Variants in UBE2V1 observed in about 807,000 individuals in gnomAD.
UBE2V1 encodes the protein ubiquitin-conjugating enzyme E2 variant 1.
In UBE2V1, 15 loss-of-function variants were observed where a neutral mutation model predicts 19.6. The ratio of observed to expected loss-of-function variants is 0.77; its 90% confidence interval spans 0.51 to 1.18. The LOEUF (loss-of-function observed/expected upper bound fraction) is 1.18. UBE2V1 is among the 50% of genes most tolerant of loss of function. The pLI, the probability that UBE2V1 is intolerant of heterozygous loss-of-function variation, is 0.00. For missense variants in UBE2V1, 125 were observed against 184.8 expected, an observed-to-expected ratio of 0.68 and a Z score of 1.88; for synonymous variants, 60 against 60.7, an observed-to-expected ratio of 0.99 and a Z score of 0.05.
At chr20:50,112,789 C>T (rs1338692622) in intron 1 of UBE2V1, among the ~76,000 whole-genome samples, 1 of 152,224 alleles carries the variant, frequency 6.6e-6, no homozygotes, top group African/African-American at 2.4e-5. Flanking sequence ...GTCGCCAGCC[C>T]CGGTATCCTC....
At chr20:50,085,966 C>G (rs1280304759) in intron 2 of UBE2V1, among the ~76,000 whole-genome samples, 2 of 152,134 alleles carry the variant, frequency 1.3e-5, no homozygotes, top group African/African-American at 4.8e-5. Context: ...GACCCCATAT[C>G]CATCCACTTT....
upstream of UBE2V1, chr20:50,115,911 A>C (rs1453999356): frequency 1.5e-5 from 3 of 201,718 alleles, no homozygotes; most frequent in East Asian, 3.2e-4. Flanking sequence ...TAAAATTGAC[A>C]ATAATAATTC....
chr20:50,082,548 T>G lies in UBE2V1; in HGVS notation c.*220A>C, dbSNP rs2078686849. The G allele has an allele frequency of 1.2e-6, 1 of 809,836 alleles. No homozygotes were observed. The highest frequency in any genetic ancestry group is 1.7e-5 in the African/African-American group (1 of 57,368). 50.2% of individuals were successfully genotyped at this position (809,836 alleles called of 1,614,324 possible). On this transcript the variant is annotated 3_prime_UTR_variant, in exon 4 of 4. Transcript: ENST00000371674. Reference sequence around the variant, plus strand: ...TCAACTACGTGGACAGTGGTTACACTTGACAGGATGATTTGTTATAGCACA... The same window carrying G: ...TCAACTACGTGGACAGTGGTTACACGTGACAGGATGATTTGTTATAGCACA...
At chr20:50,112,670 C>T (rs2080838536) in intron 1 of UBE2V1, among the ~76,000 whole-genome samples, 1 of 152,234 alleles carries the variant, frequency 6.6e-6, no homozygotes, top group African/African-American at 2.4e-5. Context: ...TCTGATGTCC[C>T]CTCCAGACAT....
chr20:50,113,220 T>A (rs1464848726), upstream of UBE2V1: 29 of 1,003,898 alleles, frequency 2.9e-5, no homozygotes, highest in East Asian at 3.8e-5. Context: ...CGCACGCACA[T>A]ACGCCGCCGC....
chr20:50,112,213 C>T (rs2080802145), intron 1 of UBE2V1, among the ~76,000 whole-genome samples: 2 of 152,214 alleles, frequency 1.3e-5, no homozygotes, highest in Non-Finnish European at 1.5e-5. Context: ...CTTTTCCACT[C>T]CCTCATTTCA....
chr20:50,093,903 G>A (rs1241870563), intron 2 of UBE2V1, among the ~76,000 whole-genome samples: 1 of 144,826 alleles, frequency 6.9e-6, no homozygotes, highest in Non-Finnish European at 1.5e-5. Context: ...GCAGAGAATT[G>A]CTTGAATCCG....
chr20:50,107,014 A>C (rs536873456), intron 1 of UBE2V1, among the ~76,000 whole-genome samples: 37 of 152,302 alleles, frequency 2.4e-4, no homozygotes, highest in African/African-American at 8.2e-4. Flanking sequence ...CACTTCAGAA[A>C]ATGAGGAGGT....
At chr20:50,083,887 A>C in intron 3 of UBE2V1, 1 of 340,752 alleles carries the variant, frequency 2.9e-6, no homozygotes, top group Non-Finnish European at 5.1e-6. Flanking sequence ...GGCATGAGGA[A>C]AGAGCTCATA....
At chr20:50,115,484 C>T (rs2080983347), upstream of UBE2V1, 3 of 1,579,330 alleles carry the variant, frequency 1.9e-6, no homozygotes, top group Non-Finnish European at 2.6e-6. Flanking sequence ...GGTGGACTCA[C>T]CTTTGCAGTG....
chr20:50,082,669 G>A lies in UBE2V1; in HGVS notation c.*99C>T. 1.3e-6 allele frequency: 2 copies of A among 1,515,358 alleles called. No individual in the cohort carries two copies. The highest frequency in any genetic ancestry group is 2.5e-4 in the Middle Eastern group (1 of 4,058). The allele number at this position is 1,515,358 out of a possible 1,614,324, so 93.9% of individuals were successfully genotyped here. A position where few individuals can be genotyped will look rare whatever the true frequency, so the allele number is the denominator to read the frequency against. On this transcript the variant is annotated 3_prime_UTR_variant, in exon 4 of 4. Coordinates refer to ENST00000371674, the MANE Select transcript of UBE2V1 (RefSeq NM_001032288.3). ...GGAGCTTCCTTTCCGGTACTTTGAG[G>A]TCTACAAGACGTATCTAGAAAATTT...
intron 2 of UBE2V1, among the ~76,000 whole-genome samples, chr20:50,087,767 T>C (rs549336872): frequency 5.3e-5 from 8 of 151,898 alleles, no homozygotes; most frequent in Non-Finnish European, 1.2e-4. Flanking sequence ...ATAGCAAAAA[T>C]AACTACAATC....
intron 1 of UBE2V1, among the ~76,000 whole-genome samples, chr20:50,102,583 G>A (rs1312640556): frequency 1.3e-5 from 2 of 152,120 alleles, no homozygotes; most frequent in Non-Finnish European, 2.9e-5. Context: ...GTAGAGACGG[G>A]GTTTTTCCAT....
At chr20:50,084,332 T>C in intron 2 of UBE2V1, 78 bp from the exon 3 acceptor site, 1 of 1,604,550 alleles carries the variant, frequency 6.2e-7, no homozygotes. Flanking sequence ...AAACCCCATT[T>C]ATCCCTGACT....
chr20:50,088,231 C>T (rs2079035075), intron 2 of UBE2V1, among the ~76,000 whole-genome samples: 1 of 151,842 alleles, frequency 6.6e-6, no homozygotes, highest in Non-Finnish European at 1.5e-5. Context: ...CACGAGGAGC[C>T]AGAGATATGA....
chr20:50,088,604 A>C (rs2079053938), intron 2 of UBE2V1, among the ~76,000 whole-genome samples: 2 of 152,114 alleles, frequency 1.3e-5, no homozygotes, highest in African/African-American at 4.8e-5. Context: ...TGGGCAACAA[A>C]GTGAGACCCT....
At chr20:50,112,454 CCCT>C (rs1334032211) in intron 1 of UBE2V1, among the ~76,000 whole-genome samples, 1 of 152,078 alleles carries the variant, frequency 6.6e-6, no homozygotes, top group Non-Finnish European at 1.5e-5. Context: ...GAATCCTTTT[CCCT>C]CCTCTCACTT....
rs75878291 is a variant in UBE2V1 at position 50,094,362 on chromosome 20, T to C, written c.171+2310A>G. On this transcript the variant is annotated intron_variant, in intron 2 of 3. Transcript: ENST00000371674. The stretch of plus-strand genomic sequence containing the variant: ...AGGTAGCTAAAAACAACTATGTCCA[T>C]CTATTCCAGCAGGTGTAGATAAAAA... Among the ~76,000 whole-genome samples the C allele has an allele frequency of 1.6e-3, 221 of 141,270 alleles. 1 individual carries two copies. Among genetic ancestry groups the C allele is most frequent in the African/African-American group, 5.5e-3 (211 of 38,066 alleles). 92.7% of individuals were successfully genotyped at this position (141,270 alleles called of 152,430 possible). A position where few individuals can be genotyped will look rare whatever the true frequency, so the allele number is the denominator to read the frequency against.
At chr20:50,097,385 A>G (rs1305084495) in intron 1 of UBE2V1, among the ~76,000 whole-genome samples, 1 of 152,226 alleles carries the variant, frequency 6.6e-6, no homozygotes. Context: ...AACTTACAAA[A>G]AAGCTAAAAG....
Sources: gnomAD v4.1 joint callset for allele counts (sites outside exome capture counted in the v4.1 genomes callset) on GRCh38, gnomAD v4.1.1 for gene constraint, MANE v1.5 for transcripts, NCBI Gene and HGNC (gene_info 2026-07-23, HGNC 2026-07-21) for gene names.